The following DSCAML1 variants were observed in gnomAD, a reference collection of about 807,000 sequenced individuals.
DSCAML1 encodes the protein cell adhesion molecule DSCAML1.
In DSCAML1, 38 loss-of-function variants were observed where a neutral mutation model predicts 200.5. The ratio of observed to expected loss-of-function variants is 0.19; its 90% CI spans 0.15 to 0.25. The LOEUF (loss-of-function observed/expected upper bound fraction) is 0.25, where lower values mean the gene tolerates loss of function less well. Ranked by LOEUF, DSCAML1 falls within the 10% of genes least tolerant of loss-of-function variation. DSCAML1 has a pLI of 1.00. For missense variants in DSCAML1, 2,223 were observed against 2,858.8 expected, an observed-to-expected ratio of 0.78 and a Z score of 5.07; for synonymous variants, 1,215 against 1,165.0, an observed-to-expected ratio of 1.04 and a Z score of -0.87.
At chr11:117,772,876 C>T (rs2055064969) in intron 3 of DSCAML1, among the ~76,000 whole-genome samples, 1 of 152,158 alleles carries the variant, frequency 6.6e-6, no homozygotes, top group Admixed American at 6.5e-5. Context: ...GGGAGTCTGC[C>T]AGATACAAAG....
chr11:117,437,917 G>A lies in DSCAML1; in HGVS notation c.4410C>T (p.Ile1470=), dbSNP rs987842030. The A allele has an allele frequency of 1.4e-5, 23 of 1,611,218 alleles. No individual in the cohort carries two copies. The highest frequency in any genetic ancestry group is 4.4e-5 in the South Asian group (4 of 90,930). ...CACCCCGCCCGTGGGTCTTGGCCTCGATGATCTCGCTGATGCGCCCAGAGC... is the reference window on the plus strand; with the variant it reads ...CACCCCGCCCGTGGGTCTTGGCCTCAATGATCTCGCTGATGCGCCCAGAGC... ...SVGSGRISEI[I]EAKTHGREPS... The change falls in exon 25 of 33, where the codon ATC becomes ATT. Residue 1470 remains isoleucine (I), a synonymous_variant. Transcript: ENST00000651296. The surrounding 1 kb of genome is among the most constrained non-coding windows in gnomAD (Gnocchi z 5.3).
Position 117,437,699 on chromosome 11 carries a change from G to A in DSCAML1, c.4432+196C>T, listed in dbSNP as rs544804484. Among the ~76,000 whole-genome samples the A allele has an allele frequency of 6.6e-6, 1 of 152,280 alleles. No individual in the cohort carries two copies. Among genetic ancestry groups the A allele is most frequent in the South Asian group, 2.1e-4 (1 of 4,828 alleles). On this transcript the variant is annotated intron_variant, in intron 25 of 32. Transcript: ENST00000651296. This position sits in a 1 kb window ranked among gnomAD's most constrained non-coding sequence, Gnocchi z 5.3. The stretch of plus-strand genomic sequence containing the variant: ...CCTTCGGCCACCCGGTGGGGAAGTG[G>A]AACTAGTTTTTCCTAATGGGATCCA...
intron 3 of DSCAML1, among the ~76,000 whole-genome samples, chr11:117,756,353 A>G (rs2054693140): frequency 6.6e-6 from 1 of 152,176 alleles, no homozygotes; most frequent in African/African-American, 2.4e-5. Context: ...TTTTGGGAAA[A>G]CCAGGAAGAA....
intron 3 of DSCAML1, among the ~76,000 whole-genome samples, chr11:117,618,867 G>A (rs577980082): frequency 1.2e-4 from 19 of 152,210 alleles, no homozygotes; most frequent in African/African-American, 4.6e-4. Flanking sequence ...ATGCCCCTTA[G>A]GACAGCCTTA....
chr11:117,583,144 C>T (rs1411995334), intron 3 of DSCAML1, among the ~76,000 whole-genome samples: 4 of 152,000 alleles, frequency 2.6e-5, no homozygotes, highest in East Asian at 3.9e-4. Flanking sequence ...CTTTCCCCTC[C>T]GCATGCTGAT....
chr11:117,625,999 T>A (rs942797525), intron 3 of DSCAML1, among the ~76,000 whole-genome samples: 1 of 152,214 alleles, frequency 6.6e-6, no homozygotes, highest in Admixed American at 6.5e-5. Flanking sequence ...GGAGGAGGCA[T>A]TTGTCTCCAG....
At chr11:117,692,213 GCCT>G (rs1565877545) in intron 3 of DSCAML1, among the ~76,000 whole-genome samples, 1 of 151,854 alleles carries the variant, frequency 6.6e-6, no homozygotes, top group Non-Finnish European at 1.5e-5. Flanking sequence ...CTGCTTGGCC[GCCT>G]CCTCCTCTGC....
chr11:117,587,259 C>CT (rs1555187511), intron 3 of DSCAML1, among the ~76,000 whole-genome samples: 1 of 147,938 alleles, frequency 6.8e-6, no homozygotes, highest in African/African-American at 2.6e-5. Context: ...TCCAACCCCC[C>CT]CCCACGATTT....
intron 3 of DSCAML1, among the ~76,000 whole-genome samples, chr11:117,678,583 G>A (rs985985081): frequency 1.3e-5 from 2 of 152,216 alleles, no homozygotes; most frequent in African/African-American, 4.8e-5. Context: ...GAGGGTCAGG[G>A]AAAGCATTTC....
chr11:117,678,001 A>G (rs1290100396), intron 3 of DSCAML1, among the ~76,000 whole-genome samples: 1 of 152,126 alleles, frequency 6.6e-6, no homozygotes, highest in East Asian at 1.9e-4. Context: ...GCTAAGGGGG[A>G]CTCCGGAGAC....
intron 29 of DSCAML1, 49 bp downstream of exon 29, chr11:117,433,089 G>A: frequency 6.5e-7 from 1 of 1,535,526 alleles, no homozygotes; most frequent in South Asian, 1.1e-5. Context: ...GTTGTAGCCT[G>A]GGGAAGCACA....
intron 3 of DSCAML1, among the ~76,000 whole-genome samples, chr11:117,610,851 C>A (rs1052651790): frequency 2.7e-5 from 4 of 147,812 alleles, no homozygotes; most frequent in Non-Finnish European, 4.5e-5. Flanking sequence ...CCCCCCCCCC[C>A]CACAATGTGT....
At chr11:117,750,923 C>T (rs191530272) in intron 3 of DSCAML1, among the ~76,000 whole-genome samples, 143 of 152,232 alleles carry the variant, frequency 9.4e-4, no homozygotes, top group Non-Finnish European at 4.7e-4. Context: ...GGGAGGGAGT[C>T]CTGCCACCCT....
chr11:117,565,777 A>T (rs1389212711), intron 3 of DSCAML1, among the ~76,000 whole-genome samples: 3 of 152,066 alleles, frequency 2.0e-5, no homozygotes, highest in African/African-American at 4.8e-5. Context: ...GCTGCCCTCT[A>T]GGTGTGACAG....
At chr11:117,574,561 G>C (rs1007720980) in intron 3 of DSCAML1, among the ~76,000 whole-genome samples, 2 of 152,102 alleles carry the variant, frequency 1.3e-5, no homozygotes, top group Non-Finnish European at 2.9e-5. Flanking sequence ...ACACGAACTT[G>C]GTGACCCTGC....
At chr11:117,691,052 T>C (rs190333020) in intron 3 of DSCAML1, among the ~76,000 whole-genome samples, 1 of 152,272 alleles carries the variant, frequency 6.6e-6, no homozygotes, top group Admixed American at 6.5e-5. Flanking sequence ...CCCAGATGTG[T>C]ATACTACATT....
intron 3 of DSCAML1, among the ~76,000 whole-genome samples, chr11:117,646,854 GAA>G (rs141311321): frequency 1.8e-5 from 2 of 110,880 alleles, no homozygotes; most frequent in African/African-American, 2.9e-5. Flanking sequence ...AGAGAGAGAG[GAA>G]AAAAAAAAAA....
intron 1 of DSCAML1, among the ~76,000 whole-genome samples, chr11:117,789,049 C>T (rs1056898695): frequency 1.3e-4 from 20 of 152,218 alleles, no homozygotes; most frequent in African/African-American, 4.6e-4. Flanking sequence ...CCAAAAAACG[C>T]TCCCCATTTC....
intron 3 of DSCAML1, among the ~76,000 whole-genome samples, chr11:117,756,862 G>A (rs1272116710): frequency 6.6e-6 from 1 of 152,202 alleles, no homozygotes; most frequent in African/African-American, 2.4e-5. Context: ...ACACAACAGG[G>A]CACGCTCAGC....
Sources: allele counts gnomAD v4.1 joint callset (sites outside exome capture counted in the v4.1 genomes callset), GRCh38; gene constraint gnomAD v4.1.1; non-coding constraint Gnocchi (gnomAD v3.1); transcripts MANE v1.5; gene names NCBI Gene and HGNC (gene_info 2026-07-23, HGNC 2026-07-21).